Variants in CSMD1 observed in about 807,000 individuals in gnomAD.
CSMD1 encodes the protein CUB and sushi domain-containing protein 1.
In CSMD1, 213 loss-of-function variants were observed where a neutral mutation model predicts 417.5. The ratio of observed to expected loss-of-function variants is 0.51; its 90% CI spans 0.46 to 0.57. The LOEUF (loss-of-function observed/expected upper bound fraction) is 0.57, where lower values mean the gene tolerates loss of function less well. Among genes scored for constraint, CSMD1 ranks in the 20% least tolerant of loss-of-function variants. CSMD1 has a pLI of 0.00. For synonymous variants in CSMD1, 2,862 were observed against 1,736.8 expected (o/e 1.65, Z -16.11); for missense variants, 6,923 against 4,529.7 (o/e 1.53, Z -15.17).
At chr8:4,454,550 A>T (rs1799353946) in intron 2 of CSMD1, among the ~76,000 whole-genome samples, 1 of 152,196 alleles carries the variant, frequency 6.6e-6, no homozygotes. Context: ...AATACAGAGC[A>T]CCTTTGCACA....
intron 1 of CSMD1, among the ~76,000 whole-genome samples, chr8:4,841,533 C>G (rs778755847): frequency 2.0e-5 from 3 of 152,118 alleles, no homozygotes; most frequent in Admixed American, 6.6e-5. Flanking sequence ...AGTAATGTGT[C>G]ATACATAAAA....
chr8:4,887,401 C>A (rs1372301654), intron 1 of CSMD1, among the ~76,000 whole-genome samples: 2 of 151,996 alleles, frequency 1.3e-5, no homozygotes, highest in East Asian at 3.8e-4. Flanking sequence ...TTATCATGGA[C>A]AACAGTTCAT....
chr8:3,406,474 T>A (rs182569216), intron 14 of CSMD1, among the ~76,000 whole-genome samples: 1 of 152,144 alleles, frequency 6.6e-6, no homozygotes, highest in Non-Finnish European at 1.5e-5. Flanking sequence ...TGAAAAGCAC[T>A]TTTCATAGGA....
At chr8:3,997,617 A>C (rs1815316137) in intron 5 of CSMD1, among the ~76,000 whole-genome samples, 1 of 152,114 alleles carries the variant, frequency 6.6e-6, no homozygotes, top group African/African-American at 2.4e-5. Flanking sequence ...CCCAAAACTA[A>C]CTCACCTTAC....
At chr8:2,952,617 T>C (rs932611228) in intron 65 of CSMD1, among the ~76,000 whole-genome samples, 2 of 152,316 alleles carry the variant, frequency 1.3e-5, no homozygotes, top group African/African-American at 4.8e-5. Context: ...GAGGCCCCCA[T>C]TTTAATCAGC....
At chr8:3,834,516 T>C (rs905937708) in intron 5 of CSMD1, among the ~76,000 whole-genome samples, 1 of 152,142 alleles carries the variant, frequency 6.6e-6, no homozygotes, top group Non-Finnish European at 1.5e-5. Context: ...AGAAACGGGG[T>C]AGAAGCTGCA....
At chr8:4,056,655 A>C (rs1055332828) in intron 3 of CSMD1, among the ~76,000 whole-genome samples, 15 of 151,886 alleles carry the variant, frequency 9.9e-5, no homozygotes, top group Admixed American at 5.3e-4. Context: ...ATTTAGCATT[A>C]GGTATATCTC....
chr8:4,486,633 A>G (rs1801430602), intron 2 of CSMD1, among the ~76,000 whole-genome samples: 2 of 152,134 alleles, frequency 1.3e-5, no homozygotes, highest in Non-Finnish European at 2.9e-5. Flanking sequence ...TCAGTGACCT[A>G]AACACTGTGA....
intron 7 of CSMD1, among the ~76,000 whole-genome samples, chr8:3,633,482 C>A (rs1242340519): frequency 1.3e-5 from 2 of 152,118 alleles, no homozygotes; most frequent in Non-Finnish European, 2.9e-5. Context: ...AGTCTGTTCC[C>A]AATTTAGAAG....
intron 1 of CSMD1, among the ~76,000 whole-genome samples, chr8:4,725,197 G>A (rs973644491): frequency 6.6e-6 from 1 of 152,108 alleles, no homozygotes; most frequent in Non-Finnish European, 1.5e-5. Context: ...GAATAAAGAT[G>A]AAAAGGTTAA....
At chr8:3,757,107 T>C (rs905083807) in intron 5 of CSMD1, among the ~76,000 whole-genome samples, 2 of 152,174 alleles carry the variant, frequency 1.3e-5, no homozygotes, top group South Asian at 2.1e-4. Context: ...CAGCCTGGAA[T>C]TGCACTTTAT....
rs183924837 is a variant in CSMD1, at chr8:4,966,274, G to T, written c.85+28058C>A. Among the ~76,000 whole-genome samples the T allele has an allele frequency of 2.6e-5, 4 of 151,726 alleles. No individual in the cohort carries two copies. In the East Asian group the frequency reaches 7.7e-4, roughly 29 times the overall value. On this transcript the variant is annotated intron_variant, in intron 1 of 69. Coordinates refer to ENST00000635120, the MANE Select transcript of CSMD1 (RefSeq NM_033225.6). ...CATGCCTGTAATCCCAGCTACTTGGGAGGCTGAGGCAGGAGGATCACTTGA... is the reference window on the plus strand; with the variant it reads ...CATGCCTGTAATCCCAGCTACTTGGTAGGCTGAGGCAGGAGGATCACTTGA...
At chr8:4,174,301 G>C (rs889588168) in intron 3 of CSMD1, among the ~76,000 whole-genome samples, 1 of 152,088 alleles carries the variant, frequency 6.6e-6, no homozygotes, top group Non-Finnish European at 1.5e-5. Context: ...ATTTTTAAAG[G>C]TCATCCACTA....
intron 7 of CSMD1, among the ~76,000 whole-genome samples, chr8:3,684,571 A>ACCCAGTTG (rs1799843232): frequency 6.7e-6 from 1 of 149,490 alleles, no homozygotes; most frequent in East Asian, 2.0e-4. Context: ...TCATTGTTGA[A>ACCCAGTTG]CCCAGTTGCA....
intron 5 of CSMD1, among the ~76,000 whole-genome samples, chr8:3,987,059 T>A (rs546049333): frequency 6.6e-6 from 1 of 152,322 alleles, no homozygotes; most frequent in East Asian, 1.9e-4. Context: ...CCATCCAAAA[T>A]GTTAAAGTGA....
At chr8:4,616,315 T>C (rs952538076) in intron 2 of CSMD1, among the ~76,000 whole-genome samples, 5 of 152,186 alleles carry the variant, frequency 3.3e-5, no homozygotes, top group Non-Finnish European at 5.9e-5. Context: ...TTCAGGAAAA[T>C]AATAGGGAAG....
chr8:4,081,217 A>G (rs1390304898), intron 3 of CSMD1, among the ~76,000 whole-genome samples: 1 of 152,170 alleles, frequency 6.6e-6, no homozygotes, highest in Admixed American at 6.6e-5. Flanking sequence ...GCGTTTTGTT[A>G]TGCAGCAGGA....
chr8:4,454,697 A>C (rs180764831), intron 2 of CSMD1, among the ~76,000 whole-genome samples: 2 of 152,330 alleles, frequency 1.3e-5, no homozygotes, highest in Middle Eastern at 3.4e-3. Context: ...CATAGCAGCT[A>C]ATCAACCTGA....
intron 2 of CSMD1, among the ~76,000 whole-genome samples, chr8:4,444,107 C>T (rs1798640347): frequency 1.3e-5 from 2 of 151,824 alleles, no homozygotes; most frequent in South Asian, 2.1e-4. Flanking sequence ...TTTGGGAGGT[C>T]GAGGCAGGTC....
Sources: gnomAD v4.1 joint callset for allele counts (sites outside exome capture counted in the v4.1 genomes callset) on GRCh38, gnomAD v4.1.1 for gene constraint, MANE v1.5 for transcripts, NCBI Gene and HGNC (gene_info 2026-07-23, HGNC 2026-07-21) for gene names.